GRK3: variants seen among roughly 807,000 people sequenced by gnomAD.
GRK3 encodes the protein adrenergic, beta, receptor kinase 2.
GRK3 carries 54 observed loss-of-function variants against 95.7 expected under a neutral mutation model. The ratio of observed to expected loss-of-function variants is 0.56; its 90% CI spans 0.45 to 0.71. GRK3 has a LOEUF of 0.71. Among genes scored for constraint, GRK3 ranks in the 30% least tolerant of loss-of-function variants. GRK3 has a pLI of 0.00. For missense variants in GRK3, 649 were observed against 851.2 expected (o/e 0.76, Z 2.96); for synonymous variants, 281 against 290.8 (o/e 0.97, Z 0.34).
chr22:25,725,476 G>T lies in GRK3; in HGVS notation c.*3026G>T. ...ATTTTTAACCTAAAACATTCTCTTT[G>T]GTTCATTCATCCCCTCATGTCATGG... On this transcript the variant is annotated 3_prime_UTR_variant, in exon 21 of 21. Transcript: ENST00000324198. 1 of 398,322 alleles carries T rather than the reference G, an allele frequency of 2.5e-6. No individual in the cohort carries two copies. The highest frequency in any genetic ancestry group is 4.4e-6 in the Non-Finnish European group (1 of 225,972). 24.7% of individuals were successfully genotyped at this position (398,322 alleles called of 1,614,324 possible). A position where few individuals can be genotyped will look rare whatever the true frequency, so the allele number is the denominator to read the frequency against.
intron 1 of GRK3, among the ~76,000 whole-genome samples, chr22:25,592,767 A>G (rs186999726): frequency 6.7e-3 from 1,022 of 152,168 alleles, no homozygotes; most frequent in African/African-American, 0.024. Context: ...TAGTGAGCAC[A>G]GTATCCAGTA....
At chr22:25,715,521 A>T (rs1568940756) in intron 18 of GRK3, among the ~76,000 whole-genome samples, 1 of 152,132 alleles carries the variant, frequency 6.6e-6, no homozygotes, top group Non-Finnish European at 1.5e-5. Flanking sequence ...AAAAAAAAAA[A>T]TTGCCAAACT....
chr22:25,572,714 A>AC (rs981378309), intron 1 of GRK3, among the ~76,000 whole-genome samples: 1 of 152,156 alleles, frequency 6.6e-6, no homozygotes, highest in African/African-American at 2.4e-5. Flanking sequence ...AATAGGTGTA[A>AC]CCAGGCAATT....
At chr22:25,628,653 G>A (rs1022089114) in intron 2 of GRK3, among the ~76,000 whole-genome samples, 10 of 152,200 alleles carry the variant, frequency 6.6e-5, no homozygotes, top group African/African-American at 1.9e-4. Flanking sequence ...TATTGTATTC[G>A]AAGGTAATAC....
Position 25,612,894 on chromosome 22 carries a change from G to T in GRK3, c.190+8441G>T, listed in dbSNP as rs1601473599. Among the ~76,000 whole-genome samples the T allele has an allele frequency of 1.3e-5, 2 of 149,734 alleles. 1 individual carries two copies. Among genetic ancestry groups the T allele is most frequent in the East Asian group, 3.9e-4 (2 of 5,154 alleles). On this transcript the variant is annotated intron_variant, in intron 2 of 20. Transcript: ENST00000324198. ...AGCAGTTTCTATAATAATAAAGATG[G>T]ATGTAGATAGACCACAGATGCTTAT...
intron 13 of GRK3, among the ~76,000 whole-genome samples, chr22:25,698,866 G>A (rs968523115): frequency 6.6e-6 from 1 of 152,192 alleles, no homozygotes; most frequent in Non-Finnish European, 1.5e-5. Context: ...GCATTGCAGA[G>A]TTAGCTTCTG....
Position 25,718,282 on chromosome 22 carries a change from C to T in GRK3, c.1692C>T (p.Tyr564=). ...ALGKDCIMHG[Y]MLKLGNPFLT... ...GGAAGGACTGTATTATGCACGGGTA[C>T]ATGCTGAAACTGGGAAACCCATTTC... is the stretch of plus-strand genomic sequence containing the variant. The change falls in exon 19 of 21, where the codon TAC becomes TAT. Residue 564 remains tyrosine, a synonymous_variant. Transcript: ENST00000324198. 1 of 1,614,076 alleles carries T rather than the reference C, an allele frequency of 6.2e-7. No homozygotes were observed. Among genetic ancestry groups the T allele is most frequent in the African/African-American group, 1.3e-5 (1 of 75,032 alleles).
intron 2 of GRK3, among the ~76,000 whole-genome samples, chr22:25,625,624 C>G (rs1044601930): frequency 5.9e-5 from 9 of 152,192 alleles, no homozygotes; most frequent in Admixed American, 3.9e-4. Context: ...GGCCTGACAT[C>G]AGTCAGGCTC....
chr22:25,716,552 G>A (rs1275473637), intron 18 of GRK3, among the ~76,000 whole-genome samples: 3 of 152,038 alleles, frequency 2.0e-5, no homozygotes, highest in Non-Finnish European at 4.4e-5. Flanking sequence ...TCGTGCATAA[G>A]TAGGTCTTGG....
In GRK3 at chr22:25,723,137, T is replaced by C. The variant is rs16980612; in HGVS notation, c.*687T>C. 0.032 allele frequency: 4,805 copies of C among 152,310 alleles called. 95 individuals are homozygous for C. Among genetic ancestry groups the C allele is most frequent in the Middle Eastern group, 0.06 (18 of 298 alleles). 9.4% of individuals were successfully genotyped at this position (152,310 alleles called of 1,614,324 possible). On this transcript the variant is annotated 3_prime_UTR_variant, in exon 21 of 21. Coordinates refer to ENST00000324198, the MANE Select transcript of GRK3 (RefSeq NM_005160.4). ...ATTGAAGGCATTCATCCGTCCATCA[T>C]TGGAAAGATTTACAGTGATTCTGAA...
intron 13 of GRK3, among the ~76,000 whole-genome samples, chr22:25,700,057 A>G (rs944555220): frequency 3.9e-5 from 6 of 152,160 alleles, no homozygotes; most frequent in African/African-American, 1.4e-4. Flanking sequence ...GCTTCTGCTG[A>G]AACACCTTTC....
At chr22:25,664,407 T>C (rs1318094094) in intron 5 of GRK3, among the ~76,000 whole-genome samples, 1 of 151,896 alleles carries the variant, frequency 6.6e-6, no homozygotes, top group Non-Finnish European at 1.5e-5. Flanking sequence ...TTACAAGAAA[T>C]AGGAAAGAAT....
At position 25,648,529 on chromosome 22, in the gene GRK3, C is replaced by G. The variant is rs2084803824; in HGVS notation, c.264+3864C>G. 1.2e-5 allele frequency: 17 copies of G among 1,454,346 alleles called. No homozygotes were observed. In the South Asian group the frequency reaches 2.0e-4, roughly 17 times the overall value. 90.1% of individuals were successfully genotyped at this position (1,454,346 alleles called of 1,614,324 possible). On this transcript the variant is annotated intron_variant, in intron 3 of 20. Coordinates refer to ENST00000324198, the MANE Select transcript of GRK3 (RefSeq NM_005160.4). ...AAAGTAGCAATCAAAACACTAAAAC[C>G]AGGTACAATGATGCCAGAAGCTTTT...
chr22:25,628,776 A>G (rs1193067945), intron 2 of GRK3, among the ~76,000 whole-genome samples: 1 of 152,194 alleles, frequency 6.6e-6, no homozygotes, highest in African/African-American at 2.4e-5. Flanking sequence ...AACATTTGTA[A>G]CAGGTTGTTA....
At chr22:25,593,717 A>T (rs1444694328) in intron 1 of GRK3, among the ~76,000 whole-genome samples, 3 of 151,982 alleles carry the variant, frequency 2.0e-5, no homozygotes, top group South Asian at 4.2e-4. Flanking sequence ...CTACTTGTCA[A>T]TTTTTGTTTT....
rs542379107 is a variant in GRK3, at chr22:25,687,906, C to T, written c.957+239C>T. Among the ~76,000 whole-genome samples, 20 of 152,254 alleles carry T rather than the reference C, an allele frequency of 1.3e-4. No homozygotes were observed. In the South Asian group the frequency reaches 3.7e-3, roughly 28 times the overall value. On this transcript the variant is annotated intron_variant, in intron 11 of 20. Transcript: ENST00000324198. ...GCCTACTACAGTGCCTGCTGCAGCACGTATACTAAGCCAAATATTTAGTTG... is the reference window on the plus strand; with the variant it reads ...GCCTACTACAGTGCCTGCTGCAGCATGTATACTAAGCCAAATATTTAGTTG...
chr22:25,714,587 G>T lies in GRK3; in HGVS notation c.1654+17G>T. 1 of 1,568,994 alleles carries T rather than the reference G, an allele frequency of 6.4e-7. No homozygotes were observed. The highest frequency in any genetic ancestry group is 8.6e-7 in the Non-Finnish European group (1 of 1,161,116). ...ACGAAGAAGGTAAAATAGCTCACGT[G>T]TCTCAAAACATTTCTAATGCAGTAA... On this transcript the variant is annotated intron_variant, in intron 18 of 20. Coordinates refer to ENST00000324198, the MANE Select transcript of GRK3 (RefSeq NM_005160.4).
intron 6 of GRK3, among the ~76,000 whole-genome samples, chr22:25,670,679 G>C (rs938874603): frequency 1.3e-5 from 2 of 151,722 alleles, no homozygotes; most frequent in Non-Finnish European, 2.9e-5. Context: ...CATGCCAGGG[G>C]CAAAATGAGA....
At chr22:25,657,094 A>G (rs1034006718) in intron 3 of GRK3, among the ~76,000 whole-genome samples, 3 of 152,174 alleles carry the variant, frequency 2.0e-5, no homozygotes, top group Non-Finnish European at 4.4e-5. Flanking sequence ...ATCAGGTTGA[A>G]GAGAGAGGCA....
Sources: gnomAD v4.1 joint callset for allele counts (sites outside exome capture counted in the v4.1 genomes callset) on GRCh38, gnomAD v4.1.1 for gene constraint, MANE v1.5 for transcripts, NCBI Gene and HGNC (gene_info 2026-07-23, HGNC 2026-07-21) for gene names.